The following STXBP5L variants were observed in gnomAD, a reference collection of about 807,000 sequenced individuals.
The protein encoded by STXBP5L is syntaxin binding protein 5L, also known as syntaxin-binding protein 5-like.
A neutral mutation model predicts 144.5 loss-of-function variants in STXBP5L; 65 were observed. The ratio of observed to expected loss-of-function variants is 0.45; its 90% CI spans 0.37 to 0.55. The LOEUF is 0.55. STXBP5L is among the 20% of genes least tolerant of loss of function. STXBP5L has a pLI of 0.00. For missense variants in STXBP5L, 1,298 were observed against 1,405.5 expected (o/e 0.92, Z 1.22); for synonymous variants, 505 against 469.6 (o/e 1.08, Z -0.97).
intron 10 of STXBP5L, among the ~76,000 whole-genome samples, chr3:121,208,186 A>T (rs2048414222): frequency 6.6e-6 from 1 of 152,124 alleles, no homozygotes; most frequent in Admixed American, 6.5e-5. Flanking sequence ...CTTTGTAGGG[A>T]CATGGATGAA....
intron 10 of STXBP5L, among the ~76,000 whole-genome samples, chr3:121,207,505 T>C (rs2048384191): frequency 6.6e-6 from 1 of 152,174 alleles, no homozygotes. Flanking sequence ...ACTAGAGAGC[T>C]TCTGTCTGGT....
intron 6 of STXBP5L, among the ~76,000 whole-genome samples, chr3:121,121,212 CAG>C (rs1455903686): frequency 1.3e-5 from 2 of 151,074 alleles, no homozygotes; most frequent in East Asian, 1.9e-4. Flanking sequence ...GGAAAATAAT[CAG>C]AGGAGATTTC....
At chr3:121,325,488 A>G (rs934200402) in intron 20 of STXBP5L, among the ~76,000 whole-genome samples, 1 of 152,064 alleles carries the variant, frequency 6.6e-6, no homozygotes, top group Non-Finnish European at 1.5e-5. Context: ...GGAATTACAA[A>G]AAATAATCAC....
At chr3:121,113,152 T>G (rs536839285) in intron 5 of STXBP5L, among the ~76,000 whole-genome samples, 1 of 152,340 alleles carries the variant, frequency 6.6e-6, no homozygotes, top group South Asian at 2.1e-4. Flanking sequence ...TACTGAAACC[T>G]GGTAGTTCTT....
Position 121,121,715 on chromosome 3 carries a change from T to G in STXBP5L, c.669+11T>G. 1 of 1,578,256 alleles carries G rather than the reference T, an allele frequency of 6.3e-7. No homozygotes were observed. The highest frequency in any genetic ancestry group is 8.7e-7 in the Non-Finnish European group (1 of 1,151,328). Reference sequence around the variant, plus strand: ...AGAGATGAAGGCAAAGTGAGTATTATGATATCTTTATTATTAGTTTTATTT... The same window carrying G: ...AGAGATGAAGGCAAAGTGAGTATTAGGATATCTTTATTATTAGTTTTATTT... On this transcript the variant is annotated intron_variant, in intron 7 of 26. Coordinates refer to ENST00000471454, the MANE Select transcript of STXBP5L (RefSeq NM_001308330.2).
At chr3:121,044,250 A>G (rs1387987945) in intron 4 of STXBP5L, among the ~76,000 whole-genome samples, 2 of 152,104 alleles carry the variant, frequency 1.3e-5, no homozygotes, top group Non-Finnish European at 2.9e-5. Flanking sequence ...TTATGTTTCT[A>G]TTTTTATAAA....
chr3:121,412,727 C>CAAAAAAAAAAAAAAAAAA (rs35247157), intron 23 of STXBP5L, among the ~76,000 whole-genome samples: 34 of 69,582 alleles, frequency 4.9e-4, no homozygotes, highest in East Asian at 9.3e-4. Context: ...TTTCTCCCTC[C>CAAAAAAAAAAAAAAAAAA]AAAAAAAAAA....
intron 3 of STXBP5L, among the ~76,000 whole-genome samples, chr3:120,982,026 G>C (rs1435489892): frequency 1.3e-5 from 2 of 152,132 alleles, no homozygotes; most frequent in Non-Finnish European, 2.9e-5. Flanking sequence ...CAGGCTAATT[G>C]CCTTCTGCAA....
chr3:121,181,756 A>G (rs1353429004), intron 9 of STXBP5L, among the ~76,000 whole-genome samples: 1 of 152,120 alleles, frequency 6.6e-6, no homozygotes, highest in Non-Finnish European at 1.5e-5. Flanking sequence ...CAAAAAACAA[A>G]CAAAAACAAA....
intron 7 of STXBP5L, among the ~76,000 whole-genome samples, chr3:121,129,986 G>A (rs574873544): frequency 1.1e-4 from 16 of 152,212 alleles, no homozygotes; most frequent in African/African-American, 3.4e-4. Context: ...CACATCACTT[G>A]ATGGGGCTTT....
At chr3:121,177,486 G>C (rs1353422382) in intron 9 of STXBP5L, among the ~76,000 whole-genome samples, 1 of 152,250 alleles carries the variant, frequency 6.6e-6, no homozygotes, top group East Asian at 1.9e-4. Flanking sequence ...AGATATGCCA[G>C]TTAGCCAATT....
At chr3:121,167,574 G>A (rs2046544917) in intron 9 of STXBP5L, among the ~76,000 whole-genome samples, 2 of 152,006 alleles carry the variant, frequency 1.3e-5, no homozygotes, top group Non-Finnish European at 2.9e-5. Context: ...AGTTCAAACT[G>A]GGTGGAGCCC....
chr3:121,021,108 C>A (rs1392094079), intron 3 of STXBP5L, among the ~76,000 whole-genome samples: 1 of 149,614 alleles, frequency 6.7e-6, no homozygotes, highest in East Asian at 1.9e-4. Flanking sequence ...CAGAAGCAAG[C>A]AGGAGTAGCT....
intron 20 of STXBP5L, among the ~76,000 whole-genome samples, chr3:121,359,587 A>G (rs1304562900): frequency 6.6e-6 from 1 of 152,094 alleles, no homozygotes; most frequent in Non-Finnish European, 1.5e-5. Context: ...GAGGTCTTAT[A>G]TTTAAGTCTT....
intron 3 of STXBP5L, among the ~76,000 whole-genome samples, chr3:121,002,533 T>C (rs1309756711): frequency 1.3e-5 from 2 of 152,204 alleles, no homozygotes; most frequent in East Asian, 3.8e-4. Context: ...AGAAACTCAG[T>C]TTGATATAGT....
rs1408210205 is a variant in STXBP5L at position 120,919,918 on chromosome 3, CTCTT to C, written c.189+10161_189+10164del. On this transcript the variant is annotated intron_variant, in intron 2 of 26. Transcript: ENST00000471454. ...TGGCTCAGGTTTTTTTGCTCCCTGT[CTCTT>C]TCTTTCTTTTTTCCTTGTATTTCTA... 1.1e-4 allele frequency among the ~76,000 whole-genome samples: 17 copies of C among 151,606 alleles called. No individual in the cohort carries two copies. In the East Asian group the frequency reaches 2.9e-3, roughly 26 times the overall value.
intron 3 of STXBP5L, among the ~76,000 whole-genome samples, chr3:121,033,984 A>G (rs1304524028): frequency 6.6e-6 from 1 of 152,104 alleles, no homozygotes; most frequent in Non-Finnish European, 1.5e-5. Context: ...AATTGATTCT[A>G]TGCAAGTCTT....
chr3:121,356,779 G>A lies in STXBP5L; in HGVS notation c.2177-21937G>A, dbSNP rs1392897950. On this transcript the variant is annotated intron_variant, in intron 20 of 26. Transcript: ENST00000471454. ...ATCACCCATCTTCTGTATCAATCAC[G>A]CTGGAAGCTGCAGACCAGAGCTGTT... Among the ~76,000 whole-genome samples the A allele has an allele frequency of 3.9e-5, 6 of 152,182 alleles. No homozygotes were observed. In the East Asian group the frequency reaches 5.8e-4, roughly 15 times the overall value.
intron 16 of STXBP5L, 112 bp downstream of exon 16, chr3:121,255,224 G>C: frequency 1.5e-6 from 1 of 663,162 alleles, no homozygotes; most frequent in Non-Finnish European, 2.4e-6. Flanking sequence ...TATGTGGCTA[G>C]TAATACAATT....
Sources: allele counts gnomAD v4.1 joint callset (sites outside exome capture counted in the v4.1 genomes callset), GRCh38; gene constraint gnomAD v4.1.1; transcripts MANE v1.5; gene names NCBI Gene and HGNC (gene_info 2026-07-23, HGNC 2026-07-21).